The following RNF24 variants were observed in gnomAD, a reference collection of about 807,000 sequenced individuals.
RNF24 encodes ring finger protein 24.
Under a neutral mutation model 20.0 loss-of-function variants are expected in RNF24, and 14 were observed. That is an observed-to-expected ratio of 0.70 (90% CI 0.46 to 1.10). The LOEUF is 1.10. Ranked by LOEUF, RNF24 falls within the 50% of genes least tolerant of loss-of-function variation. The pLI is 0.00. For synonymous variants in RNF24, 45 were observed against 61.1 expected (o/e 0.74, Z 1.23); for missense variants, 124 against 177.6 (o/e 0.70, Z 1.71).
At chr20:3,978,470 C>T (rs1979091857) in intron 1 of RNF24, among the ~76,000 whole-genome samples, 1 of 152,110 alleles carries the variant, frequency 6.6e-6, no homozygotes, top group Non-Finnish European at 1.5e-5. Flanking sequence ...AATCATTATA[C>T]ATTGTACACA....
At chr20:3,953,471 T>C (rs1189468004) in intron 2 of RNF24, among the ~76,000 whole-genome samples, 1 of 150,124 alleles carries the variant, frequency 6.7e-6, no homozygotes, top group Non-Finnish European at 1.5e-5. Context: ...TTCTCTCTTT[T>C]TTTTTTTTTT....
rs1190078731 is a variant in RNF24, at chr20:3,996,965, A to T, written c.-8+18472T>A. 2.6e-5 allele frequency among the ~76,000 whole-genome samples: 4 copies of T among 152,156 alleles called. No individual in the cohort carries two copies. In the East Asian group the frequency reaches 7.7e-4, roughly 29 times the overall value. On this transcript the variant is annotated intron_variant, in intron 1 of 5. Coordinates refer to ENST00000358395, the MANE Select transcript of RNF24 (RefSeq NM_001134337.3). ...GCTGGGCGTGGTGGCTCACGCCTGT[A>T]ATCCCAGCACTTTGAGAGGCCGAGG...
chr20:4,008,398 G>GTATAATATATATATAATATA (rs1982096676), intron 1 of RNF24, among the ~76,000 whole-genome samples: 1 of 9,682 alleles, frequency 1.0e-4, no homozygotes, highest in African/African-American at 3.9e-4. Flanking sequence ...TATTATATAT[G>GTATAATATATATATAATATA]TAATATGTAT....
chr20:3,977,481 T>C (rs1978964478), intron 1 of RNF24, among the ~76,000 whole-genome samples: 1 of 151,820 alleles, frequency 6.6e-6, no homozygotes, highest in African/African-American at 2.4e-5. Context: ...AGGGGGGTCA[T>C]AAGAAAGCAA....
At chr20:3,961,690 TTTC>T (rs1486088374) in intron 2 of RNF24, among the ~76,000 whole-genome samples, 1 of 152,020 alleles carries the variant, frequency 6.6e-6, no homozygotes, top group African/African-American at 2.4e-5. Context: ...TTAATAACAT[TTTC>T]TTTTTTTTAC....
chr20:3,994,875 A>C (rs962549046), intron 1 of RNF24, among the ~76,000 whole-genome samples: 2 of 152,370 alleles, frequency 1.3e-5, no homozygotes, highest in Admixed American at 1.3e-4. Flanking sequence ...GCACGTACTA[A>C]AAGTGAAATA....
intron 4 of RNF24, among the ~76,000 whole-genome samples, chr20:3,941,314 T>C (rs1291195399): frequency 1.3e-5 from 2 of 152,134 alleles, no homozygotes; most frequent in East Asian, 3.9e-4. Context: ...AAAAGACATA[T>C]AATGATGGGA....
At chr20:3,990,910 G>GTTCCATGATAAAAT (rs1980380916) in intron 1 of RNF24, among the ~76,000 whole-genome samples, 1 of 151,662 alleles carries the variant, frequency 6.6e-6, no homozygotes. Flanking sequence ...ATTTGGCACA[G>GTTCCATGATAAAAT]TTCCATGATA....
chr20:3,997,928 C>G (rs900471013), intron 1 of RNF24, among the ~76,000 whole-genome samples: 2 of 152,234 alleles, frequency 1.3e-5, no homozygotes, highest in African/African-American at 4.8e-5. Context: ...AAATGCCCCA[C>G]TTTTCAGAGG....
In RNF24 at chr20:3,988,067, A is replaced by C. The variant is rs6037713; in HGVS notation, c.-7-24043T>G. The stretch of plus-strand genomic sequence containing the variant: ...GCTGGGCGTGGTCGCTCATGCCTAT[A>C]ATCCCAGCATTTTGAGAGGCCAAGG... On this transcript the variant is annotated intron_variant, in intron 1 of 5. Coordinates refer to ENST00000358395, the MANE Select transcript of RNF24 (RefSeq NM_001134337.3). 5.7e-3 allele frequency among the ~76,000 whole-genome samples: 875 copies of C among 152,254 alleles called. 6 individuals are homozygous for C. Among genetic ancestry groups the C allele is most frequent in the African/African-American group, 0.02 (812 of 41,550 alleles).
At chr20:4,010,162 C>T (rs568955981) in intron 1 of RNF24, among the ~76,000 whole-genome samples, 1 of 152,178 alleles carries the variant, frequency 6.6e-6, no homozygotes, top group East Asian at 1.9e-4. Flanking sequence ...ATCACGAGGT[C>T]AGGATTTCGA....
intron 1 of RNF24, among the ~76,000 whole-genome samples, chr20:3,983,217 T>C (rs977955069): frequency 4.6e-5 from 7 of 152,208 alleles, no homozygotes; most frequent in African/African-American, 1.4e-4. Flanking sequence ...AGGGAGGTCT[T>C]TACATCCAGG....
At chr20:3,942,239 G>C (rs1029566119) in intron 4 of RNF24, among the ~76,000 whole-genome samples, 23 of 150,970 alleles carry the variant, frequency 1.5e-4, no homozygotes, top group Admixed American at 4.0e-4. Flanking sequence ...CACAACCTTG[G>C]CTCACTGCAG....
At position 3,944,547 on chromosome 20, in the gene RNF24, T is replaced by TA. The variant is rs577335766; in HGVS notation, c.228+629dup. On this transcript the variant is annotated intron_variant, in intron 4 of 5. Coordinates refer to ENST00000358395, the MANE Select transcript of RNF24 (RefSeq NM_001134337.3). Reference sequence around the variant, plus strand: ...CCAGAAAGGGAGAAGGAAAGGGTGATAAAAAATAAAAATTCTGAAAGTTTG... The same window carrying TA: ...CCAGAAAGGGAGAAGGAAAGGGTGATAAAAAAATAAAAATTCTGAAAGTTTG... Among the ~76,000 whole-genome samples the TA allele has an allele frequency of 1.3e-3, 197 of 152,168 alleles. 1 individual carries two copies. The highest frequency in any genetic ancestry group is 1.8e-3 in the Non-Finnish European group (122 of 68,008).
chr20:3,969,658 C>T (rs1332598803), intron 1 of RNF24, among the ~76,000 whole-genome samples: 3 of 150,962 alleles, frequency 2.0e-5, no homozygotes, highest in African/African-American at 7.4e-5. Context: ...ATAGACATGC[C>T]AGCAAAGGCT....
At chr20:3,945,060 C>T (rs2091000407) in intron 4 of RNF24, 117 bp downstream of exon 4, 2 of 1,309,542 alleles carry the variant, frequency 1.5e-6, no homozygotes, top group South Asian at 2.7e-5. Context: ...ATTCTATTAC[C>T]CCAATCAAAA....
chr20:3,959,028 C>G lies in RNF24; in HGVS notation c.143+4847G>C, dbSNP rs546634782. On this transcript the variant is annotated intron_variant, in intron 2 of 5. Transcript: ENST00000358395. ...ATCAATGTTTCCTTAGGATTCTGCCCTGGGCCCATTTTATTTTACTATACA... is the reference window on the plus strand; with the variant it reads ...ATCAATGTTTCCTTAGGATTCTGCCGTGGGCCCATTTTATTTTACTATACA... Among the ~76,000 whole-genome samples, 9 of 152,242 alleles carry G rather than the reference C, an allele frequency of 5.9e-5. No individual in the cohort carries two copies. In the East Asian group the frequency reaches 1.7e-3, roughly 29 times the overall value.
chr20:3,944,015 GC>G (rs1246910631), intron 4 of RNF24, among the ~76,000 whole-genome samples: 9 of 152,054 alleles, frequency 5.9e-5, no homozygotes, highest in Admixed American at 6.6e-5. Context: ...TTCAAGACCA[GC>G]CTGGCCAACA....
intron 1 of RNF24, among the ~76,000 whole-genome samples, chr20:3,967,357 T>C (rs1227654630): frequency 6.6e-6 from 1 of 152,100 alleles, no homozygotes; most frequent in Non-Finnish European, 1.5e-5. Flanking sequence ...GTGAAAGCCT[T>C]TTTTTCCCCT....
Sources: gnomAD v4.1 joint callset for allele counts (sites outside exome capture counted in the v4.1 genomes callset) on GRCh38, gnomAD v4.1.1 for gene constraint, MANE v1.5 for transcripts, NCBI Gene and HGNC (gene_info 2026-07-23, HGNC 2026-07-21) for gene names.